Variants in LIN7A observed in about 807,000 individuals in gnomAD.
LIN7A encodes lin-7 cell polarity scaffold A.
Under a neutral mutation model 29.8 loss-of-function variants are expected in LIN7A, and 25 were observed. That is an observed-to-expected ratio of 0.84 (90% CI 0.61 to 1.17). The LOEUF is 1.17. LIN7A is among the 50% of genes most tolerant of loss of function. The pLI, the probability that LIN7A is intolerant of heterozygous loss-of-function variation, is 0.00. For missense variants in LIN7A, 239 were observed against 287.0 expected (o/e 0.83, Z 1.21); for synonymous variants, 118 against 107.5 (o/e 1.10, Z -0.60).
intron 4 of LIN7A, among the ~76,000 whole-genome samples, chr12:80,814,568 G>C (rs1316295422): frequency 6.6e-6 from 1 of 151,940 alleles, no homozygotes; most frequent in South Asian, 2.1e-4. Flanking sequence ...CTGTGTCTGC[G>C]ATTCAGTTGC....
At chr12:80,933,348 A>C (rs1878020338) in intron 1 of LIN7A, among the ~76,000 whole-genome samples, 1 of 152,156 alleles carries the variant, frequency 6.6e-6, no homozygotes, top group Admixed American at 6.5e-5. Context: ...TAAAAACTGA[A>C]AGACAGATAA....
chr12:80,845,796 A>G lies in LIN7A; in HGVS notation c.417T>C (p.Pro139=). 1 of 1,614,026 alleles carries G rather than the reference A, an allele frequency of 6.2e-7. No homozygotes were observed. The highest frequency in any genetic ancestry group is 1.1e-5 in the South Asian group (1 of 91,050). Residue 139 remains proline (P), a synonymous_variant, in exon 4 of 6, where the codon CCT becomes CCC. Transcript: ENST00000552864. ...CTCCGTGTCTTTCAGCCACCCCTCC[A>G]GGAATTATGCGAGAGATATAAATGG... The part of the protein sequence containing the change: ...NSPIYISRII[P]GGVAERHGGL...
intron 4 of LIN7A, among the ~76,000 whole-genome samples, chr12:80,813,841 C>T (rs567141351): frequency 6.6e-6 from 1 of 152,194 alleles, no homozygotes; most frequent in Admixed American, 6.5e-5. Flanking sequence ...CTGCCAAGGC[C>T]TTTTTGCCTT....
intron 2 of LIN7A, among the ~76,000 whole-genome samples, chr12:80,873,965 T>C (rs982971655): frequency 3.9e-5 from 6 of 152,010 alleles, no homozygotes; most frequent in African/African-American, 1.4e-4. Context: ...CATTTCTAGG[T>C]GCTAGCAAAT....
chr12:80,917,393 A>G (rs1565928396), intron 1 of LIN7A, among the ~76,000 whole-genome samples: 1 of 152,214 alleles, frequency 6.6e-6, no homozygotes, highest in East Asian at 1.9e-4. Context: ...AGCCAAACAT[A>G]AACTGGCTGT....
intron 1 of LIN7A, among the ~76,000 whole-genome samples, chr12:80,935,489 G>C (rs1878161388): frequency 6.6e-6 from 1 of 152,226 alleles, no homozygotes; most frequent in Admixed American, 6.5e-5. Context: ...TGTATGCAGA[G>C]TGAGTATCAG....
At chr12:80,921,134 G>T (rs1877280136) in intron 1 of LIN7A, among the ~76,000 whole-genome samples, 1 of 152,126 alleles carries the variant, frequency 6.6e-6, no homozygotes, top group Non-Finnish European at 1.5e-5. Flanking sequence ...TGGAGATTAG[G>T]CCTCAGAGAG....
chr12:80,882,284 A>ATTTTTTTTTTTTT (rs1463134808), intron 2 of LIN7A, among the ~76,000 whole-genome samples: 1 of 71,988 alleles, frequency 1.4e-5, no homozygotes, highest in Non-Finnish European at 5.2e-5. Flanking sequence ...TTTTTCTTTC[A>ATTTTTTTTTTTTT]TTCTTTTTTT....
chr12:80,921,773 G>T (rs2120880133), intron 1 of LIN7A, among the ~76,000 whole-genome samples: 1 of 152,186 alleles, frequency 6.6e-6, no homozygotes, highest in African/African-American at 2.4e-5. Context: ...TTTTCCTATT[G>T]GTGGTTACCA....
intron 4 of LIN7A, among the ~76,000 whole-genome samples, chr12:80,824,780 T>C (rs1235942279): frequency 1.3e-5 from 2 of 152,208 alleles, no homozygotes; most frequent in Admixed American, 6.5e-5. Context: ...ATCATCTCAA[T>C]AGATGCAGAA....
At chr12:80,917,529 A>C (rs1247813745) in intron 1 of LIN7A, among the ~76,000 whole-genome samples, 1 of 152,156 alleles carries the variant, frequency 6.6e-6, no homozygotes, top group East Asian at 1.9e-4. Flanking sequence ...TGGTATTATA[A>C]TTTAAAATGT....
chr12:80,924,714 A>G (rs1049780784), intron 1 of LIN7A, among the ~76,000 whole-genome samples: 2 of 152,162 alleles, frequency 1.3e-5, no homozygotes, highest in Admixed American at 6.5e-5. Flanking sequence ...ACTAAAAAGA[A>G]AGTTAAAAGT....
chr12:80,834,255 G>A (rs1050886429), intron 4 of LIN7A, among the ~76,000 whole-genome samples: 1 of 152,064 alleles, frequency 6.6e-6, no homozygotes, highest in African/African-American at 2.4e-5. Context: ...ATCAAATCTT[G>A]TATACTACAT....
intron 1 of LIN7A, among the ~76,000 whole-genome samples, chr12:80,922,045 A>G (rs138992008): frequency 3.9e-5 from 6 of 152,358 alleles, no homozygotes; most frequent in African/African-American, 7.2e-5. Flanking sequence ...CCCATTTGCT[A>G]GAAAACATGC....
chr12:80,807,084 T>TTTTGTTG (rs1871071343), intron 5 of LIN7A, among the ~76,000 whole-genome samples: 2 of 129,212 alleles, frequency 1.5e-5, no homozygotes, highest in African/African-American at 5.5e-5. Context: ...TTTTTTTTTT[T>TTTTGTTG]TTTTTTTGAC....
At chr12:80,871,109 C>T (rs1874407143) in intron 2 of LIN7A, among the ~76,000 whole-genome samples, 1 of 152,102 alleles carries the variant, frequency 6.6e-6, no homozygotes, top group African/African-American at 2.4e-5. Flanking sequence ...ACATCTCAGG[C>T]TGAAAATAGT....
intron 4 of LIN7A, among the ~76,000 whole-genome samples, chr12:80,834,814 GA>G (rs1403206217): frequency 6.7e-6 from 1 of 148,700 alleles, no homozygotes; most frequent in Non-Finnish European, 1.5e-5. Context: ...ATCCATTATG[GA>G]AAATTATATA....
In LIN7A at chr12:80,792,875, C is replaced by T. The variant is rs1347297041; in HGVS notation, c.*4852G>A. 1 of 152,154 alleles carries T rather than the reference C, an allele frequency of 6.6e-6. No individual in the cohort carries two copies. The highest frequency in any genetic ancestry group is 1.9e-4 in the East Asian group (1 of 5,200). The allele number at this position is 152,154 out of a possible 1,614,324, so 9.4% of individuals were successfully genotyped here. ...CTGGTCTGTACCTTTAACCATGTTC[C>T]TGGCTTCACATATTCTTCTTAAGAG... On this transcript the variant is annotated 3_prime_UTR_variant, in exon 6 of 6. Coordinates refer to ENST00000552864, the MANE Select transcript of LIN7A (RefSeq NM_004664.4).
At chr12:80,912,532 T>A (rs539187141) in intron 1 of LIN7A, among the ~76,000 whole-genome samples, 28 of 151,842 alleles carry the variant, frequency 1.8e-4, no homozygotes, top group African/African-American at 6.3e-4. Context: ...CTGGCCAACA[T>A]GGTGAAACCT....
Sources: allele counts gnomAD v4.1 joint callset (sites outside exome capture counted in the v4.1 genomes callset), GRCh38; gene constraint gnomAD v4.1.1; transcripts MANE v1.5; gene names NCBI Gene and HGNC (gene_info 2026-07-23, HGNC 2026-07-21).